Variants in COMMD1 observed in about 807,000 individuals in gnomAD.
The protein encoded by COMMD1 is COMM domain-containing protein 1.
In COMMD1, 10 loss-of-function variants were observed where a neutral mutation model predicts 17.2. That is an observed-to-expected ratio of 0.58 (90% confidence interval 0.36 to 0.99). The LOEUF (loss-of-function observed/expected upper bound fraction) is 0.99. Among genes scored for constraint, COMMD1 ranks in the 50% least tolerant of loss-of-function variants. The pLI is 0.01. For synonymous variants in COMMD1, 97 were observed against 91.6 expected (o/e 1.06, Z -0.34); for missense variants, 270 against 231.8 (o/e 1.17, Z -1.07).
At chr2:61,900,684 GA>G (rs1669638341), upstream of COMMD1, among the ~76,000 whole-genome samples, 1 of 152,166 alleles carries the variant, frequency 6.6e-6, no homozygotes, top group African/African-American at 2.4e-5. Context: ...TGGCCAAGAG[GA>G]GGTCTGTTCA....
At chr2:61,917,008 A>C (rs1249861196) in intron 1 of COMMD1, among the ~76,000 whole-genome samples, 1 of 152,130 alleles carries the variant, frequency 6.6e-6, no homozygotes, top group East Asian at 1.9e-4. Flanking sequence ...CTGCTTGCTA[A>C]ATACCTGGGA....
chr2:62,114,301 A>G (rs13428744), intron 2 of COMMD1, among the ~76,000 whole-genome samples: 33 of 152,286 alleles, frequency 2.2e-4, no homozygotes, highest in African/African-American at 7.5e-4. Flanking sequence ...TATAAGTAGA[A>G]TAATTTTATT....
chr2:62,085,413 T>C (rs1010559230), intron 2 of COMMD1, among the ~76,000 whole-genome samples: 4 of 151,806 alleles, frequency 2.6e-5, no homozygotes. Flanking sequence ...GAGACGGGGT[T>C]TCACCATATT....
intron 1 of COMMD1, among the ~76,000 whole-genome samples, chr2:61,992,088 G>C (rs1259714092): frequency 6.6e-6 from 1 of 152,092 alleles, no homozygotes; most frequent in Non-Finnish European, 1.5e-5. Context: ...TATATCATTA[G>C]AACACATAAT....
chr2:62,121,556 G>T (rs1010491725), intron 2 of COMMD1, among the ~76,000 whole-genome samples: 2 of 151,328 alleles, frequency 1.3e-5, no homozygotes, highest in Non-Finnish European at 2.9e-5. Flanking sequence ...TGGACAACAT[G>T]GTGAAACCCC....
chr2:62,107,109 G>A (rs1212401014), intron 2 of COMMD1, among the ~76,000 whole-genome samples: 1 of 152,084 alleles, frequency 6.6e-6, no homozygotes, highest in African/African-American at 2.4e-5. Flanking sequence ...AAAATTTTAA[G>A]GATCATGTTA....
intron 1 of COMMD1, among the ~76,000 whole-genome samples, chr2:61,948,392 G>A (rs529579337): frequency 1.3e-5 from 2 of 152,208 alleles, no homozygotes; most frequent in East Asian, 3.9e-4. Context: ...AGAGTTTCGG[G>A]ACTACTTAAT....
intron 2 of COMMD1, among the ~76,000 whole-genome samples, chr2:62,098,889 A>C (rs1404687420): frequency 6.6e-6 from 1 of 152,192 alleles, no homozygotes; most frequent in African/African-American, 2.4e-5. Flanking sequence ...AGAACCCTGG[A>C]TCATAAGTCT....
At chr2:61,979,322 CA>C (rs1328853622) in intron 1 of COMMD1, among the ~76,000 whole-genome samples, 7 of 151,948 alleles carry the variant, frequency 4.6e-5, no homozygotes, top group African/African-American at 1.7e-4. Context: ...ACTAAAAATA[CA>C]AAAATTAGCC....
intron 2 of COMMD1, among the ~76,000 whole-genome samples, chr2:62,068,620 C>CT (rs67517468): frequency 0.023 from 2,074 of 89,200 alleles, 61 homozygotes; most frequent in Non-Finnish European, 0.032. Flanking sequence ...GTAGTATAAT[C>CT]TTTTTTTTTT....
At chr2:62,078,510 G>A (rs575419473) in intron 2 of COMMD1, among the ~76,000 whole-genome samples, 5 of 141,110 alleles carry the variant, frequency 3.5e-5, no homozygotes, top group South Asian at 4.5e-4. Context: ...CTGAAATCGC[G>A]CCACTGCACT....
At chr2:62,114,646 C>CTCA (rs1672539464) in intron 2 of COMMD1, among the ~76,000 whole-genome samples, 1 of 152,192 alleles carries the variant, frequency 6.6e-6, no homozygotes, top group South Asian at 2.1e-4. Context: ...CCTAAGCAGG[C>CTCA]TCATGTTCTT....
At chr2:62,132,435 CT>C (rs1573222391) in intron 2 of COMMD1, among the ~76,000 whole-genome samples, 1 of 152,198 alleles carries the variant, frequency 6.6e-6, no homozygotes, top group East Asian at 1.9e-4. Context: ...CTGTAACTTA[CT>C]TTCACTGAGG....
intron 2 of COMMD1, among the ~76,000 whole-genome samples, chr2:62,014,669 C>A (rs948472891): frequency 7.2e-6 from 1 of 138,504 alleles, no homozygotes; most frequent in Non-Finnish European, 1.5e-5. Flanking sequence ...TCAGGCGATT[C>A]TTCTGTCTCA....
At chr2:61,946,553 A>G (rs1670912103) in intron 1 of COMMD1, among the ~76,000 whole-genome samples, 1 of 152,212 alleles carries the variant, frequency 6.6e-6, no homozygotes, top group Non-Finnish European at 1.5e-5. Flanking sequence ...TCTCATGAAG[A>G]GCAGACTAGT....
chr2:62,116,493 G>A lies in COMMD1; in HGVS notation c.463-19338G>A, dbSNP rs191840172. Among the ~76,000 whole-genome samples, 450 of 151,598 alleles carry A rather than the reference G, an allele frequency of 3.0e-3. 1 individual carries two copies. The highest frequency in any genetic ancestry group is 0.01 in the African/African-American group (427 of 41,330). On this transcript the variant is annotated intron_variant, in intron 2 of 2. Transcript: ENST00000311832. ...TCAAGACCAGCCTGGCCAACATGGC[G>A]AAACCCCGTCTCTACTAAAAATACC...
At chr2:62,071,303 G>C (rs1671193044) in intron 2 of COMMD1, among the ~76,000 whole-genome samples, 1 of 152,178 alleles carries the variant, frequency 6.6e-6, no homozygotes, top group African/African-American at 2.4e-5. Context: ...ATTATAATTA[G>C]CACATAATAA....
intron 1 of COMMD1, among the ~76,000 whole-genome samples, chr2:61,981,419 G>A (rs747874347): frequency 1.3e-5 from 2 of 152,108 alleles, no homozygotes; most frequent in African/African-American, 4.8e-5. Flanking sequence ...TCTTTTCTCT[G>A]TTTTGGCACT....
chr2:61,890,998 G>A (rs1323557762), intron 1 of COMMD1, among the ~76,000 whole-genome samples: 5 of 152,144 alleles, frequency 3.3e-5, no homozygotes, highest in Non-Finnish European at 5.9e-5. Context: ...TGGGTGATGA[G>A]GAAATGCATT....
Sources: gnomAD v4.1 joint callset for allele counts (sites outside exome capture counted in the v4.1 genomes callset) on GRCh38, gnomAD v4.1.1 for gene constraint, MANE v1.5 for transcripts, NCBI Gene and HGNC (gene_info 2026-07-23, HGNC 2026-07-21) for gene names.